Variants in TLE1 observed in about 807,000 individuals in gnomAD.
TLE1 encodes transducin-like enhancer protein 1.
Under a neutral mutation model 89.8 loss-of-function variants are expected in TLE1, and 21 were observed. The ratio of observed to expected loss-of-function variants is 0.23; its 90% CI spans 0.17 to 0.34. TLE1 has a LOEUF of 0.34. TLE1 is among the 10% of genes least tolerant of loss of function. TLE1 has a pLI of 1.00. For synonymous variants in TLE1, 447 were observed against 407.6 expected (o/e 1.10, Z -1.16); for missense variants, 795 against 1,031.2 (o/e 0.77, Z 3.14).
chr9:81,681,509 C>T (rs1336134698), intron 4 of TLE1, among the ~76,000 whole-genome samples: 2 of 151,452 alleles, frequency 1.3e-5, no homozygotes, highest in Non-Finnish European at 2.9e-5. Flanking sequence ...GAGACTGTGC[C>T]ACCACACTCC....
intron 8 of TLE1, among the ~76,000 whole-genome samples, chr9:81,630,562 A>G (rs1263707734): frequency 1.3e-5 from 2 of 152,232 alleles, no homozygotes; most frequent in Non-Finnish European, 2.9e-5. Context: ...CCAGATAAAC[A>G]AAAAGTTCTT....
intron 6 of TLE1, among the ~76,000 whole-genome samples, chr9:81,645,903 A>C (rs905609849): frequency 6.6e-6 from 1 of 152,224 alleles, no homozygotes; most frequent in African/African-American, 2.4e-5. Flanking sequence ...AAAAATTTAA[A>C]AACACACAGG....
chr9:81,647,165 A>G (rs1476379811), intron 6 of TLE1, among the ~76,000 whole-genome samples: 1 of 152,184 alleles, frequency 6.6e-6, no homozygotes, highest in African/African-American at 2.4e-5. Context: ...GAGGCCACAA[A>G]TAGAAACCTG....
At chr9:81,666,389 TA>T (rs1210739767) in intron 4 of TLE1, among the ~76,000 whole-genome samples, 3 of 152,110 alleles carry the variant, frequency 2.0e-5, no homozygotes, top group African/African-American at 7.2e-5. Context: ...AGAAATTAGG[TA>T]ATACCACACA....
At chr9:81,656,424 T>C (rs763838904) in intron 4 of TLE1, among the ~76,000 whole-genome samples, 1 of 152,238 alleles carries the variant, frequency 6.6e-6, no homozygotes, top group Non-Finnish European at 1.5e-5. Flanking sequence ...GAAATTCACA[T>C]TGAAGGTTTC....
intron 8 of TLE1, among the ~76,000 whole-genome samples, chr9:81,628,392 G>T (rs568857519): frequency 3.9e-5 from 6 of 152,080 alleles, no homozygotes; most frequent in African/African-American, 9.7e-5. Context: ...CCCTGATGCC[G>T]CCATGGTTCC....
chr9:81,635,069 C>A lies in TLE1; in HGVS notation c.373-768G>T, dbSNP rs548180119. 1.4e-4 allele frequency among the ~76,000 whole-genome samples: 22 copies of A among 152,252 alleles called. No individual in the cohort carries two copies. In the South Asian group the frequency reaches 4.6e-3, roughly 32 times the overall value. On this transcript the variant is annotated intron_variant, in intron 6 of 19. Coordinates refer to ENST00000376499, the MANE Select transcript of TLE1 (RefSeq NM_005077.5). ...CTGACTAAATTGCTGAAACTCTATC[C>A]CTAGGCAAGAGGGGACTGCAGTCAG... is the stretch of plus-strand genomic sequence containing the variant.
intron 4 of TLE1, among the ~76,000 whole-genome samples, chr9:81,682,636 C>A (rs1032894819): frequency 5.3e-5 from 8 of 152,132 alleles, no homozygotes; most frequent in Non-Finnish European, 1.2e-4. Flanking sequence ...ATTTAAAGAT[C>A]ACGCCACCAC....
chr9:81,599,584 A>G (rs1445975432), intron 14 of TLE1, among the ~76,000 whole-genome samples: 1 of 152,206 alleles, frequency 6.6e-6, no homozygotes, highest in South Asian at 2.1e-4. Flanking sequence ...GCTCATAAGA[A>G]AATCAGTCTT....
chr9:81,601,178 C>CTA (rs1830872605), intron 14 of TLE1, among the ~76,000 whole-genome samples: 1 of 152,134 alleles, frequency 6.6e-6, no homozygotes, highest in South Asian at 2.1e-4. Flanking sequence ...GCTGTGGAAT[C>CTA]TAGACAAAAA....
At chr9:81,658,712 A>G (rs1830425479) in intron 4 of TLE1, among the ~76,000 whole-genome samples, 1 of 152,146 alleles carries the variant, frequency 6.6e-6, no homozygotes. Context: ...TGTGAGTCCT[A>G]AAACATCACT....
chr9:81,584,964 A>AT (rs1828150189), intron 18 of TLE1, among the ~76,000 whole-genome samples: 2 of 130,364 alleles, frequency 1.5e-5, no homozygotes, highest in Non-Finnish European at 3.4e-5. Flanking sequence ...GCACTCATCC[A>AT]CCCATCCATC....
At chr9:81,642,998 A>C (rs1828344854) in intron 6 of TLE1, among the ~76,000 whole-genome samples, 1 of 152,160 alleles carries the variant, frequency 6.6e-6, no homozygotes, top group Non-Finnish European at 1.5e-5. Flanking sequence ...AATAATGCAT[A>C]ATCTCCTTTC....
intron 14 of TLE1, among the ~76,000 whole-genome samples, chr9:81,608,361 A>G (rs1823250791): frequency 6.6e-6 from 1 of 152,050 alleles, no homozygotes; most frequent in Admixed American, 6.5e-5. Context: ...AATAAATTTA[A>G]AAATTGGCCA....
chr9:81,656,110 G>T (rs749535103), intron 4 of TLE1, among the ~76,000 whole-genome samples: 1 of 152,136 alleles, frequency 6.6e-6, no homozygotes, highest in Non-Finnish European at 1.5e-5. Context: ...GCCCGTGCAT[G>T]ACCTTGCTTT....
At chr9:81,637,644 CTTTTT>C (rs11375860) in intron 6 of TLE1, among the ~76,000 whole-genome samples, 4 of 138,708 alleles carry the variant, frequency 2.9e-5, no homozygotes, top group African/African-American at 5.4e-5. Context: ...ATGAAAGTTT[CTTTTT>C]TTTTTTTTTT....
At chr9:81,595,809 T>C (rs1310018136) in intron 14 of TLE1, among the ~76,000 whole-genome samples, 2 of 119,248 alleles carry the variant, frequency 1.7e-5, no homozygotes, top group Non-Finnish European at 3.4e-5. Flanking sequence ...ACAGAGACTC[T>C]GTCTCAAAAA....
chr9:81,685,893 A>C lies in TLE1; in HGVS notation c.129T>G (p.Leu43=), dbSNP rs2133180084. 1 of 1,613,052 alleles carries C rather than the reference A, an allele frequency of 6.2e-7. No homozygotes were observed. Among genetic ancestry groups the C allele is most frequent in the East Asian group, 2.2e-5 (1 of 44,860 alleles). The change falls in exon 3 of 20, where the codon CTT becomes CTG. Residue 43 remains leucine, a synonymous_variant. Transcript: ENST00000376499. ...TTGCCAGTTTCTCACATTCCAATTT[A>C]AGGCTAGGAAAACAAAACAGGCAAC... ...FQFLQAQYHS[L]KLECEKLASE...
intron 4 of TLE1, among the ~76,000 whole-genome samples, chr9:81,658,395 G>GCCATA (rs762129634): frequency 2.0e-5 from 3 of 152,124 alleles, no homozygotes; most frequent in Non-Finnish European, 2.9e-5. Flanking sequence ...AACATCGAAA[G>GCCATA]CCATACCATA....
Sources: allele counts gnomAD v4.1 joint callset (sites outside exome capture counted in the v4.1 genomes callset), GRCh38; gene constraint gnomAD v4.1.1; transcripts MANE v1.5; gene names NCBI Gene and HGNC (gene_info 2026-07-23, HGNC 2026-07-21).